Variants in AGMO observed in about 807,000 individuals in gnomAD.
The protein encoded by AGMO is alkylglycerol monooxygenase.
A neutral mutation model predicts 60.2 loss-of-function variants in AGMO; 75 were observed. The ratio of observed to expected loss-of-function variants is 1.25; its 90% CI spans 1.03 to 1.51. The LOEUF is 1.51. Ranked by LOEUF, AGMO falls within the 40% of genes most tolerant of loss-of-function variation. The pLI, the probability that AGMO is intolerant of heterozygous loss-of-function variation, is 0.00. For synonymous variants in AGMO, 261 were observed against 177.1 expected (o/e 1.47, Z -3.76); for missense variants, 763 against 525.5 (o/e 1.45, Z -4.42).
intron 12 of AGMO, among the ~76,000 whole-genome samples, chr7:15,244,301 A>C (rs1782679319): frequency 1.3e-5 from 2 of 152,330 alleles, no homozygotes; most frequent in South Asian, 4.1e-4. Flanking sequence ...TGAATATATA[A>C]AAGACTACCT....
intron 12 of AGMO, among the ~76,000 whole-genome samples, chr7:15,354,418 G>C (rs867789730): frequency 2.8e-4 from 7 of 24,914 alleles, no homozygotes; most frequent in East Asian, 3.2e-3. Context: ...ACACGTGTGT[G>C]TATACACACA....
At chr7:15,327,343 T>C (rs1781371492) in intron 12 of AGMO, among the ~76,000 whole-genome samples, 1 of 152,134 alleles carries the variant, frequency 6.6e-6, no homozygotes, top group Non-Finnish European at 1.5e-5. Context: ...AGACCAAACA[T>C]CTTGGGATAT....
intron 3 of AGMO, among the ~76,000 whole-genome samples, chr7:15,437,328 C>G (rs1425712278): frequency 6.6e-6 from 1 of 151,980 alleles, no homozygotes; most frequent in Non-Finnish European, 1.5e-5. Context: ...AAACTTTTGT[C>G]TTATAATTTT....
chr7:15,127,232 T>A, the AGMO span, among the ~76,000 whole-genome samples: 1 of 152,126 alleles, frequency 6.6e-6, no homozygotes, highest in African/African-American at 2.4e-5. Context: ...TGGTCACTCA[T>A]ATTTGGCTCA....
At chr7:15,438,231 T>G (rs1781454776) in intron 3 of AGMO, among the ~76,000 whole-genome samples, 1 of 151,768 alleles carries the variant, frequency 6.6e-6, no homozygotes, top group African/African-American at 2.4e-5. Context: ...CTTAAAAATC[T>G]AAATTATATT....
At chr7:15,287,808 G>C (rs1455308096) in intron 12 of AGMO, among the ~76,000 whole-genome samples, 1 of 151,872 alleles carries the variant, frequency 6.6e-6, no homozygotes, top group Non-Finnish European at 1.5e-5. Flanking sequence ...GATAAATCTG[G>C]TCCTTTTGAA....
At chr7:15,343,083 A>T (rs1047069010) in intron 12 of AGMO, among the ~76,000 whole-genome samples, 1 of 152,174 alleles carries the variant, frequency 6.6e-6, no homozygotes, top group Non-Finnish European at 1.5e-5. Context: ...TTATACTTTT[A>T]TATTTTCCTA....
At chr7:15,283,470 C>T (rs772349159) in intron 12 of AGMO, among the ~76,000 whole-genome samples, 1 of 151,624 alleles carries the variant, frequency 6.6e-6, no homozygotes, top group Non-Finnish European at 1.5e-5. Context: ...GAAGAAACAA[C>T]AGTTTAAAAA....
At chr7:15,118,696 A>C in the AGMO span, among the ~76,000 whole-genome samples, 1 of 152,010 alleles carries the variant, frequency 6.6e-6, no homozygotes, top group South Asian at 2.1e-4. Context: ...ATCTCTGCTA[A>C]AGGAAGCTCA....
At chr7:15,472,125 T>C (rs1239533906) in intron 3 of AGMO, among the ~76,000 whole-genome samples, 4 of 151,898 alleles carry the variant, frequency 2.6e-5, no homozygotes, top group Admixed American at 1.3e-4. Context: ...TTAAACTCCT[T>C]GAGGTTAAGG....
At chr7:15,342,770 G>GTA (rs1294821121) in intron 12 of AGMO, among the ~76,000 whole-genome samples, 7 of 94,892 alleles carry the variant, frequency 7.4e-5, no homozygotes, top group South Asian at 3.8e-4. Context: ...TGGGAGTACA[G>GTA]TATAGCTGCA....
chr7:15,290,048 T>G (rs1784217282), intron 12 of AGMO, among the ~76,000 whole-genome samples: 1 of 132,870 alleles, frequency 7.5e-6, no homozygotes, highest in Non-Finnish European at 1.6e-5. Flanking sequence ...TTTTTTTTTT[T>G]GAGACAGAGT....
chr7:15,561,506 A>G (rs1785306342), intron 1 of AGMO, among the ~76,000 whole-genome samples: 1 of 152,240 alleles, frequency 6.6e-6, no homozygotes, highest in Admixed American at 6.5e-5. Flanking sequence ...AGTGACATAT[A>G]AAAGAGGGAA....
At chr7:15,180,779 T>A in the AGMO span, among the ~76,000 whole-genome samples, 1 of 152,200 alleles carries the variant, frequency 6.6e-6, no homozygotes, top group Admixed American at 6.5e-5. Flanking sequence ...CTGTTTTAGT[T>A]CATTTTCTGT....
intron 3 of AGMO, among the ~76,000 whole-genome samples, chr7:15,451,215 T>C (rs1419462366): frequency 6.6e-6 from 1 of 152,124 alleles, no homozygotes; most frequent in Non-Finnish European, 1.5e-5. Context: ...TCAGTGGAAA[T>C]GAAACCTGAT....
chr7:15,205,450 T>C (rs1781416227), intron 12 of AGMO, among the ~76,000 whole-genome samples: 1 of 152,152 alleles, frequency 6.6e-6, no homozygotes, highest in Non-Finnish European at 1.5e-5. Context: ...GTCACAAAGA[T>C]TAAAATAGAA....
At chr7:15,438,524 CCA>C in intron 3 of AGMO, among the ~76,000 whole-genome samples, 1 of 152,320 alleles carries the variant, frequency 6.6e-6, no homozygotes, top group Admixed American at 6.5e-5. Context: ...TAGCCCCTTA[CCA>C]CCTTGATAGG....
Position 15,387,429 on chromosome 7 carries a change from C to T in AGMO, c.934G>A (p.Gly312Ser). 1 of 1,613,370 alleles carries T rather than the reference C, an allele frequency of 6.2e-7. No individual in the cohort carries two copies. The highest frequency in any genetic ancestry group is 1.7e-5 in the Admixed American group (1 of 59,800). The change falls in exon 9 of 13, where the codon GGT becomes AGT. Residue 312 changes from glycine to serine, a missense_variant. Physicochemically the swap from Gly to Ser is moderately conservative, Grantham distance 56 (BLOSUM62 0). Coordinates refer to ENST00000342526, the MANE Select transcript of AGMO (RefSeq NM_001004320.2). ...ACCTCTGGAATTTCTTCACTGAGAC[C>T]AAGTCTTGGTTTACCTGGACCCCAT... ...PGWGPGKPRL[G>S]LSEEIPEVTG...
chr7:15,215,352 CT>C (rs1382221321), intron 12 of AGMO, among the ~76,000 whole-genome samples: 1 of 151,798 alleles, frequency 6.6e-6, no homozygotes, highest in Non-Finnish European at 1.5e-5. Context: ...TTTTATTTTT[CT>C]TTTTTTTCCT....
Sources: allele counts gnomAD v4.1 joint callset (sites outside exome capture counted in the v4.1 genomes callset), GRCh38; gene constraint gnomAD v4.1.1; transcripts MANE v1.5; gene names NCBI Gene and HGNC (gene_info 2026-07-23, HGNC 2026-07-21).